Variants in NCL observed in about 807,000 individuals in gnomAD.
NCL encodes nucleolin multifunctional protein.
NCL carries 4 observed loss-of-function variants against 77.7 expected under a neutral mutation model. The ratio of observed to expected loss-of-function variants is 0.05; its 90% CI spans 0.03 to 0.12. The LOEUF (loss-of-function observed/expected upper bound fraction) is 0.12. NCL is among the 10% of genes least tolerant of loss of function. NCL has a pLI of 1.00. For synonymous variants in NCL, 344 were observed against 297.8 expected (o/e 1.16, Z -1.60); for missense variants, 763 against 860.9 (o/e 0.89, Z 1.42).
Position 231,454,017 on chromosome 2 carries a change from T to C in NCL, c.*1174A>G, listed in dbSNP as rs1417030936. ...AAAGGGAGGTTGAGAGGCAAGTACTTAAGACCAGAAAGAATAAGCAATATA... is the reference window on the plus strand; with the variant it reads ...AAAGGGAGGTTGAGAGGCAAGTACTCAAGACCAGAAAGAATAAGCAATATA... On this transcript the variant is annotated 3_prime_UTR_variant, in exon 14 of 14. Coordinates refer to ENST00000322723, the MANE Select transcript of NCL (RefSeq NM_005381.3). The C allele has an allele frequency of 2.6e-5, 4 of 152,226 alleles. No individual in the cohort carries two copies. The highest frequency in any genetic ancestry group is 7.2e-5 in the African/African-American group (3 of 41,454). 9.4% of individuals were successfully genotyped at this position (152,226 alleles called of 1,614,324 possible). A position where few individuals can be genotyped will look rare whatever the true frequency, so the allele number is the denominator to read the frequency against.
At position 231,453,823 on chromosome 2, in the gene NCL, C is replaced by A. The variant is rs2046855440; in HGVS notation, c.*1368G>T. On this transcript the variant is annotated 3_prime_UTR_variant, in exon 14 of 14. Transcript: ENST00000322723. ...AGTAAACCCAAAGCAGCTACGTATTCTTCACGTTTCCTTCTAAGCTTATCC... is the reference window on the plus strand; with the variant it reads ...AGTAAACCCAAAGCAGCTACGTATTATTCACGTTTCCTTCTAAGCTTATCC... The A allele has an allele frequency of 6.6e-6, 1 of 152,246 alleles. No individual in the cohort carries two copies. Among genetic ancestry groups the A allele is most frequent in the Admixed American group, 6.5e-5 (1 of 15,292 alleles). 9.4% of individuals were successfully genotyped at this position (152,246 alleles called of 1,614,324 possible). A position where few individuals can be genotyped will look rare whatever the true frequency, so the allele number is the denominator to read the frequency against.
rs147742467 is a variant in NCL at position 231,459,045 on chromosome 2, T to C, written c.1121A>G (p.Asn374Ser). Reference sequence around the variant, plus strand: ...TTTTGGTTTCTCTAGTTTAATTTCATTGCCAAAGACTTTCAAACCAGTGAG... The same window carrying C: ...TTTTGGTTTCTCTAGTTTAATTTCACTGCCAAAGACTTTCAAACCAGTGAG... ...LELTGLKVFGNEIKLEKPKGK... is the reference protein window; with the variant it reads ...LELTGLKVFGSEIKLEKPKGK... The change falls in exon 7 of 14, where the codon AAT becomes AGT. Residue 374 changes from asparagine (N) to serine (S), a missense_variant. This residue lies in a region of NCL where 590 missense variants were observed against 570.5 expected (regional missense o/e 1.03). Coordinates refer to ENST00000322723, the MANE Select transcript of NCL (RefSeq NM_005381.3). 517 of 1,603,668 alleles carry C rather than the reference T, an allele frequency of 3.2e-4. 3 individuals are homozygous for C. The highest frequency in any genetic ancestry group is 3.0e-4 in the Admixed American group (17 of 57,620).
intron 2 of NCL, chr2:231,462,665 G>A: frequency 2.2e-6 from 1 of 453,240 alleles, no homozygotes; most frequent in Non-Finnish European, 4.5e-6. Context: ...ACAATTCAGT[G>A]CTCAGCTGTC....
At chr2:231,456,597 C>A in intron 11 of NCL, 34 bp downstream of exon 11, 1 of 1,613,258 alleles carries the variant, frequency 6.2e-7, no homozygotes, top group Non-Finnish European at 8.5e-7. Context: ...AGAGTGCTAC[C>A]CCCAACCACA....
Position 231,464,481 on chromosome 2 carries a change from G to C in NCL, c.-128C>G, listed in dbSNP as rs934098371. On this transcript the variant is annotated 5_prime_UTR_variant, in exon 1 of 14. Transcript: ENST00000322723. The stretch of plus-strand genomic sequence containing the variant: ...CACCCGAAGGCCAGCGAGAGCTCGA[G>C]ACTGAGGCGAAAGACTGAGCCTGCC... 2.4e-5 allele frequency: 32 copies of C among 1,337,246 alleles called. No homozygotes were observed. Among genetic ancestry groups the C allele is most frequent in the Admixed American group, 4.0e-5 (2 of 49,850 alleles). The allele number at this position is 1,337,246 out of a possible 1,614,324, so 82.8% of individuals were successfully genotyped here.
In NCL at chr2:231,454,157, A is replaced by C. The variant is rs151206575; in HGVS notation, c.*1034T>G. On this transcript the variant is annotated 3_prime_UTR_variant, in exon 14 of 14. Coordinates refer to ENST00000322723, the MANE Select transcript of NCL (RefSeq NM_005381.3). Reference sequence around the variant, plus strand: ...CCATCTAGCGTGAGTTCTATTCCAGAACTGCTTTTTGGGAGATGGGAGTCT... The same window carrying C: ...CCATCTAGCGTGAGTTCTATTCCAGCACTGCTTTTTGGGAGATGGGAGTCT... 1 of 152,266 alleles carries C rather than the reference A, an allele frequency of 6.6e-6. No homozygotes were observed. The highest frequency in any genetic ancestry group is 2.4e-5 in the African/African-American group (1 of 41,518). 9.4% of individuals were successfully genotyped at this position (152,266 alleles called of 1,614,324 possible).
At chr2:231,456,798 A>G in intron 10 of NCL, 34 bp from the exon 11 acceptor site, 1 of 1,612,056 alleles carries the variant, frequency 6.2e-7, no homozygotes, top group Non-Finnish European at 8.5e-7. Context: ...AGAGTAAGTT[A>G]CCAGGCACAT....
Position 231,461,843 on chromosome 2 carries a change from C to G in NCL, c.310G>C (p.Val104Leu), listed in dbSNP as rs750091741. The part of the protein sequence containing the change: ...AKKTVTPAKA[V>L]TTPGKKGATP... ...GCTCCCTTCTTGCCAGGTGTGGTAA[C>G]TGCTTTGGCTGGTGTAACTGTCTTC... The change falls in exon 3 of 14, where the codon GTT becomes CTT. Residue 104 changes from valine to leucine, a missense_variant. Physicochemically the swap from Val to Leu is conservative, Grantham distance 32. Coordinates refer to ENST00000322723, the MANE Select transcript of NCL (RefSeq NM_005381.3). The G allele has an allele frequency of 3.7e-6, 6 of 1,613,428 alleles. No individual in the cohort carries two copies. In the African/African-American group the frequency reaches 6.7e-5, roughly 18 times the overall value.
chr2:231,454,476 TA>T lies in NCL; in HGVS notation c.*714del, dbSNP rs2046863186. On this transcript the variant is annotated 3_prime_UTR_variant, in exon 14 of 14. Coordinates refer to ENST00000322723, the MANE Select transcript of NCL (RefSeq NM_005381.3). ...TCTTCCTTGTCCTAGGAAACCTGAC[TA>T]ATCTGTTCCTGCACCTCTTTCCAGA... 6.6e-6 allele frequency: 1 copy of T among 152,428 alleles called. No individual in the cohort carries two copies. Among genetic ancestry groups the T allele is most frequent in the East Asian group, 1.9e-4 (1 of 5,194 alleles). The allele number at this position is 152,428 out of a possible 1,614,324, so 9.4% of individuals were successfully genotyped here. A position where few individuals can be genotyped will look rare whatever the true frequency, so the allele number is the denominator to read the frequency against.
intron 1 of NCL, chr2:231,464,132 GC>G (rs1161198810): frequency 1.3e-5 from 18 of 1,369,810 alleles, no homozygotes; most frequent in African/African-American, 1.5e-5. Context: ...CGCGTTCGCC[GC>G]CCCCAGCACC....
At chr2:231,458,114 C>A in intron 8 of NCL, 152 bp downstream of exon 8, 1 of 989,966 alleles carries the variant, frequency 1.0e-6, no homozygotes, top group South Asian at 1.8e-5. Flanking sequence ...GTACATTATC[C>A]CCATGGTACA....
At position 231,457,735 on chromosome 2, in the gene NCL, G is replaced by C. The variant is rs1190812219; in HGVS notation, c.1355C>G (p.Thr452Arg). 4 of 1,612,768 alleles carry C rather than the reference G, an allele frequency of 2.5e-6. No homozygotes were observed. The South Asian group carries it at 4.4e-5, about 18-fold the overall frequency. ...AEKTFEEKQG[T>R]EIDGRSISLY... The stretch of plus-strand genomic sequence containing the variant: ...GGAAATAGATCGCCCATCGATCTCT[G>C]TTCCCTGCTTTTCTTCAAAGGTTTT... The change falls in exon 9 of 14, where the codon ACA (threonine) becomes AGA (arginine). Residue 452 changes from threonine to arginine, a missense_variant. Thr to Arg is a moderately conservative substitution (Grantham distance 71). Coordinates refer to ENST00000322723, the MANE Select transcript of NCL (RefSeq NM_005381.3).
intron 10 of NCL, 95 bp from the exon 11 acceptor site, chr2:231,456,859 C>T: frequency 1.3e-6 from 2 of 1,563,316 alleles, no homozygotes; most frequent in East Asian, 2.2e-5. Flanking sequence ...CAAGTTGGTA[C>T]CTAAATGATG....
chr2:231,456,101 C>G lies in NCL; in HGVS notation c.1741G>C (p.Glu581Gln), dbSNP rs777303754. Residue 581 changes from glutamate to glutamine, a missense_variant, in exon 12 of 14, where the codon GAG (glutamate) becomes CAG (glutamine). Glu to Gln is a conservative substitution (Grantham distance 29). Around this residue, in one of 2 missense-constraint regions of NCL, gnomAD observed 173 missense variants for 290.4 expected, o/e 0.60. Coordinates refer to ENST00000322723, the MANE Select transcript of NCL (RefSeq NM_005381.3). ...TTTAATGTCTCTTCAGTGGTATCCT[C>G]AGACAGGCCTTTGACAAACAGAGTT... ...SKTLFVKGLS[E>Q]DTTEETLKES... 6.2e-7 allele frequency: 1 copy of G among 1,614,022 alleles called. No individual in the cohort carries two copies. Among genetic ancestry groups the G allele is most frequent in the African/African-American group, 1.3e-5 (1 of 74,954 alleles).
intron 8 of NCL, 55 bp downstream of exon 8, chr2:231,458,209 AGC>A (rs1559540982): frequency 6.3e-7 from 1 of 1,577,328 alleles, no homozygotes; most frequent in Non-Finnish European, 8.6e-7. Flanking sequence ...TCTTTTATAA[AGC>A]AGGAAAGTGC....
intron 2 of NCL, 161 bp from the exon 3 acceptor site, chr2:231,462,178 T>G (rs2046959320): frequency 4.2e-6 from 4 of 962,006 alleles, no homozygotes; most frequent in Non-Finnish European, 6.6e-6. Flanking sequence ...TATGTTGTCT[T>G]AAGTCAGAGC....
Position 231,454,681 on chromosome 2 carries a change from G to C in NCL, c.*510C>G, listed in dbSNP as rs1483946423. Reference sequence around the variant, plus strand: ...TTCCATTGGGATGGGTGAAGCAAGTGGCAGAGCTGGCTTTGCCATGCTCTC... The same window carrying C: ...TTCCATTGGGATGGGTGAAGCAAGTCGCAGAGCTGGCTTTGCCATGCTCTC... On this transcript the variant is annotated 3_prime_UTR_variant, in exon 14 of 14. Transcript: ENST00000322723. The C allele has an allele frequency of 6.5e-6, 1 of 154,786 alleles. No individual in the cohort carries two copies. The highest frequency in any genetic ancestry group is 1.4e-5 in the Non-Finnish European group (1 of 69,742). 9.6% of individuals were successfully genotyped at this position (154,786 alleles called of 1,614,324 possible). A position where few individuals can be genotyped will look rare whatever the true frequency, so the allele number is the denominator to read the frequency against.
chr2:231,459,548 G>A (rs949689062), intron 6 of NCL, among the ~76,000 whole-genome samples: 1 of 151,796 alleles, frequency 6.6e-6, no homozygotes, highest in Non-Finnish European at 1.5e-5. Context: ...GGAGTACAGT[G>A]GCGCGAACTT....
At chr2:231,464,210 G>T in intron 1 of NCL, 126 bp downstream of exon 1, 5 of 1,483,174 alleles carry the variant, frequency 3.4e-6, no homozygotes, top group Non-Finnish European at 4.5e-6. Context: ...AATCGCGCGA[G>T]ACTTCCCGCA....
Sources: allele counts gnomAD v4.1 joint callset (sites outside exome capture counted in the v4.1 genomes callset), GRCh38; gene constraint gnomAD v4.1.1; regional missense constraint gnomAD v4.1.1; transcripts MANE v1.5; gene names NCBI Gene and HGNC (gene_info 2026-07-23, HGNC 2026-07-21).